The following IKZF2 variants were observed in gnomAD, a reference collection of about 807,000 sequenced individuals.
The protein encoded by IKZF2 is IKAROS family zinc finger 2, also known as zinc finger protein Helios.
Under a neutral mutation model 49.2 loss-of-function variants are expected in IKZF2, and 15 were observed. The observed-to-expected ratio is 0.30, with a 90% CI of 0.20 to 0.47. IKZF2 has a LOEUF of 0.47. IKZF2 is among the 20% of genes least tolerant of loss of function. The pLI, the probability that IKZF2 is intolerant of heterozygous loss-of-function variation, is 1.00. For synonymous variants in IKZF2, 227 were observed against 221.4 expected, an observed-to-expected ratio of 1.03 and a Z score of -0.23; for missense variants, 567 against 664.6, an observed-to-expected ratio of 0.85 and a Z score of 1.61.
intron 4 of IKZF2, among the ~76,000 whole-genome samples, chr2:213,133,468 C>T (rs561976187): frequency 2.6e-5 from 4 of 152,230 alleles, no homozygotes; most frequent in East Asian, 1.9e-4. Flanking sequence ...CGGTGGCTCA[C>T]GCCTGTGATC....
In IKZF2 at chr2:213,148,578, A is replaced by G; in HGVS notation, c.34+18T>C. The G allele has an allele frequency of 6.3e-7, 1 of 1,590,146 alleles. No individual in the cohort carries two copies. The highest frequency in any genetic ancestry group is 8.6e-7 in the Non-Finnish European group (1 of 1,160,998). On this transcript the variant is annotated intron_variant, in intron 3 of 8. Transcript: ENST00000434687. ...CAACTTTATTACCAATAACAAATCA[A>G]TGAAAACTAATACTTACACGTTATA...
In IKZF2 at chr2:213,006,100, T is replaced by C. The variant is rs910937631; in HGVS notation, c.*1260A>G. ...TCTTTGCAACAAGAGTAGTAAATAC[T>C]ACTGAAGAAATGCTAAAATAAATAG... On this transcript the variant is annotated 3_prime_UTR_variant, in exon 9 of 9. Transcript: ENST00000434687. The C allele has an allele frequency of 6.6e-6, 1 of 152,074 alleles. No homozygotes were observed. The highest frequency in any genetic ancestry group is 1.5e-5 in the Non-Finnish European group (1 of 67,984). The allele number at this position is 152,074 out of a possible 1,614,324, so 9.4% of individuals were successfully genotyped here.
At chr2:213,142,487 A>G (rs1377179871) in intron 4 of IKZF2, among the ~76,000 whole-genome samples, 1 of 152,060 alleles carries the variant, frequency 6.6e-6, no homozygotes, top group Non-Finnish European at 1.5e-5. Context: ...TCTGAGTAAT[A>G]GCAGCAGTGA....
chr2:213,063,998 G>A (rs1701940385), intron 4 of IKZF2, among the ~76,000 whole-genome samples: 1 of 151,916 alleles, frequency 6.6e-6, no homozygotes, highest in Non-Finnish European at 1.5e-5. Context: ...TCAAAACTGG[G>A]ATGCATGTCT....
chr2:213,070,450 C>T (rs1702576381), intron 4 of IKZF2, among the ~76,000 whole-genome samples: 1 of 151,884 alleles, frequency 6.6e-6, no homozygotes, highest in South Asian at 2.1e-4. Flanking sequence ...AGAGTGTGGA[C>T]TTGGGAAGTC....
Position 213,000,974 on chromosome 2 carries a change from T to C in IKZF2, c.*6386A>G, listed in dbSNP as rs540966841. On this transcript the variant is annotated 3_prime_UTR_variant, in exon 9 of 9. Transcript: ENST00000434687. The stretch of plus-strand genomic sequence containing the variant: ...TCCACATTCTGTAATCTTTTGATTG[T>C]GGAGTGTTTTTCTCTTTGCTTGTTG... The C allele has an allele frequency of 4.0e-4, 61 of 151,850 alleles. No individual in the cohort carries two copies. Among genetic ancestry groups the C allele is most frequent in the African/African-American group, 1.4e-3 (60 of 41,514 alleles). The allele number at this position is 151,850 out of a possible 1,614,324, so 9.4% of individuals were successfully genotyped here.
intron 4 of IKZF2, among the ~76,000 whole-genome samples, chr2:213,066,386 G>A (rs553466391): frequency 6.6e-6 from 1 of 152,222 alleles, no homozygotes; most frequent in African/African-American, 2.4e-5. Context: ...GGTCTCTGAA[G>A]TGAAGCAACA....
intron 7 of IKZF2, among the ~76,000 whole-genome samples, chr2:213,020,134 C>T (rs1263763300): frequency 4.6e-5 from 7 of 152,062 alleles, no homozygotes; most frequent in Non-Finnish European, 1.0e-4. Context: ...GTAGCAATGC[C>T]ATAAGGTGTT....
At chr2:213,028,871 T>C (rs922455317) in intron 6 of IKZF2, among the ~76,000 whole-genome samples, 4 of 152,090 alleles carry the variant, frequency 2.6e-5, no homozygotes, top group Admixed American at 2.0e-4. Flanking sequence ...ATTTTTATAA[T>C]ATGTGAAAGC....
intron 4 of IKZF2, among the ~76,000 whole-genome samples, chr2:213,102,075 T>A (rs1056017284): frequency 1.4e-4 from 21 of 152,218 alleles, no homozygotes; most frequent in Admixed American, 1.4e-3. Context: ...GGATCTTTTT[T>A]ACTTGTTTTG....
intron 4 of IKZF2, among the ~76,000 whole-genome samples, chr2:213,094,881 GTAATC>G (rs1705793321): frequency 6.6e-6 from 1 of 152,134 alleles, no homozygotes; most frequent in Non-Finnish European, 1.5e-5. Flanking sequence ...AGAATATTAA[GTAATC>G]TGATTCCAAG....
intron 6 of IKZF2, among the ~76,000 whole-genome samples, chr2:213,024,976 ATAGT>A (rs1280687718): frequency 6.6e-6 from 1 of 152,004 alleles, no homozygotes; most frequent in Non-Finnish European, 1.5e-5. Context: ...TATTTTTATA[ATAGT>A]TATTATTATT....
chr2:213,079,259 G>A (rs1035685326), intron 4 of IKZF2, among the ~76,000 whole-genome samples: 10 of 151,990 alleles, frequency 6.6e-5, no homozygotes, highest in Admixed American at 4.6e-4. Flanking sequence ...CGTGTTTGTA[G>A]TCCCAACTAC....
intron 4 of IKZF2, among the ~76,000 whole-genome samples, chr2:213,102,583 CTCT>C (rs1706831575): frequency 6.6e-6 from 1 of 151,630 alleles, no homozygotes; most frequent in South Asian, 2.1e-4. Context: ...ATCTCAATAA[CTCT>C]TCATTAGAAA....
intron 4 of IKZF2, among the ~76,000 whole-genome samples, chr2:213,145,617 T>C (rs1169647838): frequency 1.3e-5 from 2 of 152,044 alleles, no homozygotes; most frequent in African/African-American, 4.8e-5. Context: ...TCTAAAATGC[T>C]GATATTCTCC....
At chr2:213,140,312 C>A (rs1476610767) in intron 4 of IKZF2, among the ~76,000 whole-genome samples, 1 of 151,770 alleles carries the variant, frequency 6.6e-6, no homozygotes, top group African/African-American at 2.4e-5. Context: ...GTAACCTCAT[C>A]CCAAGGGGTA....
intron 5 of IKZF2, among the ~76,000 whole-genome samples, chr2:213,053,732 C>T (rs1381694550): frequency 6.6e-6 from 1 of 152,196 alleles, no homozygotes; most frequent in Non-Finnish European, 1.5e-5. Flanking sequence ...TATTTGTTTA[C>T]TCTTCTCTCT....
intron 6 of IKZF2, among the ~76,000 whole-genome samples, chr2:213,043,064 C>A (rs1360908844): frequency 6.6e-6 from 1 of 151,716 alleles, no homozygotes; most frequent in Non-Finnish European, 1.5e-5. Context: ...GATAAATAAC[C>A]TAACTACCAG....
chr2:213,073,698 C>T (rs1702948344), intron 4 of IKZF2, among the ~76,000 whole-genome samples: 1 of 152,178 alleles, frequency 6.6e-6, no homozygotes, highest in African/African-American at 2.4e-5. Flanking sequence ...TCCATAAAAA[C>T]TTATGAATAA....
Sources: allele counts gnomAD v4.1 joint callset (sites outside exome capture counted in the v4.1 genomes callset), GRCh38; gene constraint gnomAD v4.1.1; transcripts MANE v1.5; gene names NCBI Gene and HGNC (gene_info 2026-07-23, HGNC 2026-07-21).